Variants in PKLR observed in about 807,000 individuals in gnomAD.
The protein encoded by PKLR is pyruvate kinase L/R.
PKLR carries 38 observed loss-of-function variants against 53.6 expected under a neutral mutation model. The ratio of observed to expected loss-of-function variants is 0.71; its 90% CI spans 0.55 to 0.93. The LOEUF (loss-of-function observed/expected upper bound fraction) is 0.93, where lower values mean the gene tolerates loss of function less well. PKLR is among the 40% of genes least tolerant of loss of function. The pLI, the probability that PKLR is intolerant of heterozygous loss-of-function variation, is 0.00. For synonymous variants in PKLR, 328 were observed against 316.2 expected (o/e 1.04, Z -0.39); for missense variants, 702 against 787.3 (o/e 0.89, Z 1.30).
Position 155,295,543 on chromosome 1 carries a change from A to T in PKLR, c.401T>A (p.Val134Asp), listed in dbSNP as rs574051756. 55 of 1,613,780 alleles carry T rather than the reference A, an allele frequency of 3.4e-5. No homozygotes were observed. Among genetic ancestry groups the T allele is most frequent in the Non-Finnish European group, 4.6e-5 (54 of 1,179,930 alleles). The change falls in exon 4 of 11, where the codon GTC becomes GAC. Residue 134 changes from valine to aspartate, a missense_variant. By Grantham distance (152) the Val-to-Asp change is radical (BLOSUM62 -3). Around this residue, in one of 2 missense-constraint regions of PKLR, gnomAD observed 519 missense variants for 537.1 expected, o/e 0.97. Transcript: ENST00000342741. This position sits in a 1 kb window ranked among gnomAD's most constrained non-coding sequence, Gnocchi z 4.3. ...TGCAAAGCTCTCCACCGCCTCCCGG[A>T]CGTTGGCGATGGACTCAGCATGGTA... ...HEYHAESIAN[V>D]REAVESFAGS... is the part of the protein sequence containing the mutation.
chr1:155,300,273 C>A lies in PKLR; in HGVS notation c.108G>T (p.Ala36=). 6.3e-7 allele frequency: 1 copy of A among 1,590,020 alleles called. No individual in the cohort carries two copies. Among genetic ancestry groups the A allele is most frequent in the Non-Finnish European group, 8.6e-7 (1 of 1,168,560 alleles). The change falls in exon 2 of 11, where the codon GCG becomes GCT. Residue 36 remains alanine, a synonymous_variant. Coordinates refer to ENST00000342741, the MANE Select transcript of PKLR (RefSeq NM_000298.6). ...CCACACTGGCCCGCCGCAGATACCC[C>A]GCTGGCCCTGTGGTAGAAGGGGGCT... ...SILIGAPGGP[A]GYLRRASVAQ...
intron 2 of PKLR, among the ~76,000 whole-genome samples, chr1:155,299,002 CTT>C (rs1382811405): frequency 9.9e-6 from 1 of 100,864 alleles, no homozygotes; most frequent in South Asian, 3.1e-4. Context: ...TTCTTTCTTT[CTT>C]TCTTTCTTTC....
rs1647439956 is a variant in PKLR at position 155,294,609 on chromosome 1, C to T, written c.838G>A (p.Val280Met). ...RDLRFGVEHG[V>M]DIVFASFVRK... ...ACAAAGGAGGCAAAGACGATGTCCA[C>T]CCCATGCTCCACCCCGAAGCGCAGG... The change falls in exon 6 of 11, where the codon GTG becomes ATG. Residue 280 changes from valine to methionine, a missense_variant. Val to Met is a conservative substitution (Grantham distance 21, BLOSUM62 1). Transcript: ENST00000342741. 1 of 1,614,210 alleles carries T rather than the reference C, an allele frequency of 6.2e-7. No homozygotes were observed. Among genetic ancestry groups the T allele is most frequent in the Non-Finnish European group, 8.5e-7 (1 of 1,180,046 alleles).
chr1:155,293,357 A>C lies in PKLR; in HGVS notation c.1270-14T>G, dbSNP rs909686150. ...CTCCCGGGCAATCTGCAGGTGCCAG[A>C]ATGTTAGTCTGGGAAGGGGCACTGG... is the stretch of plus-strand genomic sequence containing the variant. On this transcript the variant is annotated splice_polypyrimidine_tract_variant and intron_variant, in intron 8 of 10. Coordinates refer to ENST00000342741, the MANE Select transcript of PKLR (RefSeq NM_000298.6). The surrounding 1 kb of genome is among the most constrained non-coding windows in gnomAD (Gnocchi z 4.2). The C allele has an allele frequency of 1.2e-6, 2 of 1,614,174 alleles. No individual in the cohort carries two copies. Among genetic ancestry groups the C allele is most frequent in the Non-Finnish European group, 1.7e-6 (2 of 1,180,016 alleles).
intron 9 of PKLR, 85 bp from the exon 10 acceptor site, chr1:155,292,022 C>A: frequency 7.7e-7 from 1 of 1,302,792 alleles, no homozygotes; most frequent in South Asian, 1.2e-5. Context: ...TTCCAGGTGT[C>A]ACTAACAAGC....
rs542400784 is a variant in PKLR at position 155,295,923 on chromosome 1, T to C, written c.284-167A>G. On this transcript the variant is annotated intron_variant, in intron 2 of 10. Coordinates refer to ENST00000342741, the MANE Select transcript of PKLR (RefSeq NM_000298.6). This position sits in a 1 kb window ranked among gnomAD's most constrained non-coding sequence, Gnocchi z 4.3. ...ACAGATCACAGACTCCCCTTCCCTCTCAAGCCAACATCCATCCCCTTGGGG... is the reference window on the plus strand; with the variant it reads ...ACAGATCACAGACTCCCCTTCCCTCCCAAGCCAACATCCATCCCCTTGGGG... Among the ~76,000 whole-genome samples, 1 of 152,252 alleles carries C rather than the reference T, an allele frequency of 6.6e-6. No individual in the cohort carries two copies. Among genetic ancestry groups the C allele is most frequent in the African/African-American group, 2.4e-5 (1 of 41,548 alleles).
In PKLR at chr1:155,294,360, C is replaced by T. The variant is rs773893686; in HGVS notation, c.991G>A (p.Asp331Asn). The T allele has an allele frequency of 5.0e-6, 8 of 1,613,998 alleles. No homozygotes were observed. Among genetic ancestry groups the T allele is most frequent in the African/African-American group, 4.0e-5 (3 of 74,894 alleles). The change falls in exon 7 of 11, where the codon GAC (aspartate) becomes AAC (asparagine). Residue 331 changes from aspartate to asparagine, a missense_variant. By Grantham distance (23) the Asp-to-Asn change is conservative. Around this residue, in one of 2 missense-constraint regions of PKLR, gnomAD observed 519 missense variants for 537.1 expected, o/e 0.97. Coordinates refer to ENST00000342741, the MANE Select transcript of PKLR (RefSeq NM_000298.6). ...KRFDEILEVSDGIMVARGDLG... is the reference protein window; with the variant it reads ...KRFDEILEVSNGIMVARGDLG... ...TCCCCCCGTGCCACCATGATGCCGT[C>T]GCTCACCTCCAGGATTTCATCAAAC...
chr1:155,307,629 A>G, the PKLR span, among the ~76,000 whole-genome samples: 1 of 152,216 alleles, frequency 6.6e-6, no homozygotes, highest in Non-Finnish European at 1.5e-5. Flanking sequence ...AGTTAACTGT[A>G]TATGGTCTAC....
chr1:155,301,180 C>T (rs1647973178), intron 1 of PKLR, 116 bp downstream of exon 1: 2 of 1,403,994 alleles, frequency 1.4e-6, no homozygotes, highest in South Asian at 2.4e-5. Flanking sequence ...GTACGTTCCT[C>T]TCCAAAACCC....
At chr1:155,291,392 A>C (rs991210170) in intron 10 of PKLR, among the ~76,000 whole-genome samples, 18 of 151,942 alleles carry the variant, frequency 1.2e-4, no homozygotes, top group South Asian at 2.1e-4. Flanking sequence ...GCTACTCAGG[A>C]GGCTGAGGTG....
chr1:155,302,522 C>T (rs944953002), upstream of PKLR, among the ~76,000 whole-genome samples: 16 of 151,972 alleles, frequency 1.1e-4, no homozygotes, highest in African/African-American at 3.9e-4. Flanking sequence ...CAGGTGTGAG[C>T]CACTGTGCCT....
At chr1:155,304,192 G>A (rs1218551412), upstream of PKLR, among the ~76,000 whole-genome samples, 1 of 152,152 alleles carries the variant, frequency 6.6e-6, no homozygotes, top group Non-Finnish European at 1.5e-5. Context: ...CAGCACTTTG[G>A]GAGGCCAAGG....
At chr1:155,302,823 C>T (rs1648099655), upstream of PKLR, among the ~76,000 whole-genome samples, 1 of 152,112 alleles carries the variant, frequency 6.6e-6, no homozygotes, top group Admixed American at 6.5e-5. Flanking sequence ...CAGGTGTGCA[C>T]CACCATGCCT....
rs751050425 is a variant in PKLR at position 155,290,658 on chromosome 1, G to A, written c.1639C>T (p.Arg547Cys). Residue 547 changes from arginine (R) to cysteine (C), a missense_variant, in exon 11 of 11, where the codon CGT becomes TGT. This residue lies in a region of PKLR where 183 missense variants were observed against 250.2 expected (regional missense o/e 0.73). Coordinates refer to ENST00000342741, the MANE Select transcript of PKLR (RefSeq NM_000298.6). The part of the protein sequence containing the change: ...IESGKLRGFL[R>C]VGDLVIVVTG... ...ACCACAATCACCAGGTCTCCAACACGGAGGAAGCCACGGAGCTTTCCTGGG... is the reference window on the plus strand; with the variant it reads ...ACCACAATCACCAGGTCTCCAACACAGAGGAAGCCACGGAGCTTTCCTGGG... 17 of 1,611,800 alleles carry A rather than the reference G, an allele frequency of 1.1e-5. No homozygotes were observed. In the Middle Eastern group the frequency reaches 1.3e-3, roughly 125 times the overall value.
At position 155,294,658 on chromosome 1, in the gene PKLR, C is replaced by A. The variant is rs1297428617; in HGVS notation, c.789G>T (p.Gly263=). Residue 263 remains glycine (G), a synonymous_variant, in exon 6 of 11, where the codon GGG becomes GGT. Coordinates refer to ENST00000342741, the MANE Select transcript of PKLR (RefSeq NM_000298.6). ...GGTCTCGGACGTCCTGCTCGGACAGCCCGGGCAAGTCCACCTGGGCCCCTG... is the reference window on the plus strand; with the variant it reads ...GGTCTCGGACGTCCTGCTCGGACAGACCGGGCAAGTCCACCTGGGCCCCTG... ...NLPGAQVDLP[G]LSEQDVRDLR... is the part of the protein sequence containing the mutation. The A allele has an allele frequency of 6.2e-7, 1 of 1,614,140 alleles. No individual in the cohort carries two copies. The highest frequency in any genetic ancestry group is 1.3e-5 in the African/African-American group (1 of 75,070).
Position 155,295,295 on chromosome 1 carries a change from T to C in PKLR, c.515A>G (p.Glu172Gly), listed in dbSNP as rs956505039. The change falls in exon 5 of 11, where the codon GAG (glutamate) becomes GGG (glycine). Residue 172 changes from glutamate to glycine, a missense_variant. Glu to Gly is a moderately conservative substitution (Grantham distance 98). Transcript: ENST00000342741. This position sits in a 1 kb window ranked among gnomAD's most constrained non-coding sequence, Gnocchi z 4.3. ...IRTGILQGGP[E>G]SEVELVKGSQ... ...GCCCTTCACCAGCTCCACTTCCGAC[T>C]CTGGACCCTAAGGAGGGAGCCAGAG... 8 of 1,613,824 alleles carry C rather than the reference T, an allele frequency of 5.0e-6. No individual in the cohort carries two copies. Among genetic ancestry groups the C allele is most frequent in the Non-Finnish European group, 6.8e-6 (8 of 1,179,956 alleles).
intron 10 of PKLR, 54 bp downstream of exon 10, chr1:155,291,701 TG>T (rs1191950328): frequency 2.6e-6 from 4 of 1,531,872 alleles, no homozygotes; most frequent in South Asian, 1.1e-5. Flanking sequence ...GAAGCTGGGT[TG>T]GGGGGCTCCT....
Position 155,294,699 on chromosome 1 carries a change from T to G in PKLR, c.748A>C (p.Lys250Gln). ...TGGGCCCCTGGCAAGTTCACGCCCT[T>G]CCGGCTGCCCAGGACGCCGCCGTTC... ...VENGGVLGSR[K>Q]GVNLPGAQVD... Residue 250 changes from lysine to glutamine, a missense_variant, in exon 6 of 11, where the codon AAG becomes CAG. Physicochemically the swap from Lys to Gln is moderately conservative, Grantham distance 53. Around this residue, in one of 2 missense-constraint regions of PKLR, gnomAD observed 519 missense variants for 537.1 expected, o/e 0.97. Coordinates refer to ENST00000342741, the MANE Select transcript of PKLR (RefSeq NM_000298.6). The G allele has an allele frequency of 6.2e-7, 1 of 1,613,916 alleles. No individual in the cohort carries two copies.
At chr1:155,300,974 G>A (rs952492022) in intron 1 of PKLR, 1 of 1,565,820 alleles carries the variant, frequency 6.4e-7, no homozygotes, top group African/African-American at 1.4e-5. Context: ...AGCTGGGCTG[G>A]GGATCAGTTC....
Sources: gnomAD v4.1 joint callset for allele counts (sites outside exome capture counted in the v4.1 genomes callset) on GRCh38, gnomAD v4.1.1 for gene constraint, gnomAD v4.1.1 regional missense constraint, Gnocchi (gnomAD v3.1) non-coding constraint, MANE v1.5 for transcripts, NCBI Gene and HGNC (gene_info 2026-07-23, HGNC 2026-07-21) for gene names.